INSR: variants seen among roughly 807,000 people sequenced by gnomAD.
The protein encoded by INSR is IR.
Under a neutral mutation model 142.6 loss-of-function variants are expected in INSR, and 67 were observed. The observed-to-expected ratio is 0.47, with a 90% CI of 0.39 to 0.58. INSR has a LOEUF of 0.58. Ranked by LOEUF, INSR falls within the 20% of genes least tolerant of loss-of-function variation. The pLI is 0.00. For synonymous variants in INSR, 756 were observed against 743.1 expected (o/e 1.02, Z -0.28); for missense variants, 1,248 against 1,833.2 (o/e 0.68, Z 5.83).
chr19:7,122,389 G>A (rs1276678735), intron 19 of INSR, among the ~76,000 whole-genome samples: 1 of 151,836 alleles, frequency 6.6e-6, no homozygotes, highest in Admixed American at 6.6e-5. Context: ...GTTGCAGTGA[G>A]CTGAGATCAC....
At chr19:7,202,312 C>G (rs573781713) in intron 2 of INSR, among the ~76,000 whole-genome samples, 13 of 152,188 alleles carry the variant, frequency 8.5e-5, no homozygotes, top group Admixed American at 7.9e-4. Context: ...TATTCATCAT[C>G]TCATTTTTGT....
chr19:7,131,973 A>G (rs1972793370), intron 14 of INSR, among the ~76,000 whole-genome samples, 185 bp downstream of exon 14: 1 of 148,060 alleles, frequency 6.8e-6, no homozygotes, highest in Non-Finnish European at 1.5e-5. Context: ...ACTCCAAAGC[A>G]AGCCTCCATC....
intron 2 of INSR, among the ~76,000 whole-genome samples, chr19:7,215,592 G>A (rs1039110463): frequency 7.8e-6 from 1 of 128,000 alleles, no homozygotes; most frequent in Non-Finnish European, 1.7e-5. Flanking sequence ...TTTTGAGATG[G>A]AGTCTTGCTC....
chr19:7,141,756 T>C lies in INSR; in HGVS notation c.2603A>G (p.His868Arg), dbSNP rs1392174574. The C allele has an allele frequency of 6.2e-7, 1 of 1,614,066 alleles. No individual in the cohort carries two copies. Among genetic ancestry groups the C allele is most frequent in the African/African-American group, 1.3e-5 (1 of 74,922 alleles). The part of the protein sequence containing the change: ...THEIFENNVV[H>R]LMWQEPKEPN... ...CTCCTTCGGCTCCTGCCACATCAAG[T>C]GGACGACGTTGTTCTCAAAGATTTC... is the stretch of plus-strand genomic sequence containing the variant. The change falls in exon 13 of 22, where the codon CAC becomes CGC. Residue 868 changes from histidine (H) to arginine (R), a missense_variant. Coordinates refer to ENST00000302850, the MANE Select transcript of INSR (RefSeq NM_000208.4).
At chr19:7,223,365 C>T (rs1169049704) in intron 2 of INSR, among the ~76,000 whole-genome samples, 1 of 152,138 alleles carries the variant, frequency 6.6e-6, no homozygotes, top group African/African-American at 2.4e-5. Flanking sequence ...TTGGAGGTAA[C>T]CATTGACAGA....
intron 2 of INSR, among the ~76,000 whole-genome samples, chr19:7,210,822 C>G (rs1043106347): frequency 2.0e-5 from 3 of 151,804 alleles, no homozygotes; most frequent in Non-Finnish European, 4.4e-5. Flanking sequence ...CTCTGCCTCG[C>G]GGTTTCAAGC....
chr19:7,219,352 C>T (rs1975528246), intron 2 of INSR, among the ~76,000 whole-genome samples: 1 of 152,128 alleles, frequency 6.6e-6, no homozygotes, highest in East Asian at 1.9e-4. Flanking sequence ...GGGAGCTCTG[C>T]AGCTCTTTGG....
At chr19:7,117,463 C>T (rs1972364108) in intron 21 of INSR, 53 bp from the exon 22 acceptor site, 3 of 1,357,918 alleles carry the variant, frequency 2.2e-6, no homozygotes, top group Middle Eastern at 1.9e-4. Context: ...TGCCACGCAT[C>T]CTCCCAAACC....
intron 14 of INSR, among the ~76,000 whole-genome samples, chr19:7,131,441 G>A (rs1468700111): frequency 1.3e-5 from 2 of 150,904 alleles, no homozygotes; most frequent in Non-Finnish European, 3.0e-5. Context: ...TGCTTCCCGG[G>A]TTCCTGAGGC....
At chr19:7,210,350 A>G (rs1451198932) in intron 2 of INSR, among the ~76,000 whole-genome samples, 1 of 151,484 alleles carries the variant, frequency 6.6e-6, no homozygotes, top group Non-Finnish European at 1.5e-5. Flanking sequence ...CAAAAAAAAA[A>G]AAAAAAAAGT....
At chr19:7,185,023 C>T (rs1974391767) in intron 2 of INSR, among the ~76,000 whole-genome samples, 2 of 152,162 alleles carry the variant, frequency 1.3e-5, no homozygotes. Flanking sequence ...CAGTAGCATT[C>T]CTCTAAGTAG....
chr19:7,272,477 G>A (rs1286037691), intron 1 of INSR, among the ~76,000 whole-genome samples: 3 of 152,002 alleles, frequency 2.0e-5, no homozygotes, highest in African/African-American at 7.2e-5. Flanking sequence ...AATTAGCTGG[G>A]CGGGGTGGCG....
At chr19:7,269,509 G>C (rs1178530206) in intron 1 of INSR, among the ~76,000 whole-genome samples, 3 of 151,792 alleles carry the variant, frequency 2.0e-5, no homozygotes, top group African/African-American at 7.3e-5. Context: ...GGCTGCCTGG[G>C]GTCTGAACCA....
chr19:7,215,051 G>A (rs1239152448), intron 2 of INSR, among the ~76,000 whole-genome samples: 2 of 152,008 alleles, frequency 1.3e-5, no homozygotes, highest in African/African-American at 4.8e-5. Flanking sequence ...CGACCCCTGG[G>A]CTCAATGGAT....
At chr19:7,153,026 CCACACA>C (rs1182389229) in intron 9 of INSR, 99 bp from the exon 10 acceptor site, 8 of 481,816 alleles carry the variant, frequency 1.7e-5, no homozygotes, top group African/African-American at 5.6e-5. Flanking sequence ...CACACACACA[CCACACA>C]CACACACACC....
chr19:7,223,950 ATT>A (rs10533917), intron 2 of INSR, among the ~76,000 whole-genome samples: 9 of 148,144 alleles, frequency 6.1e-5, no homozygotes, highest in African/African-American at 9.9e-5. Context: ...ACAAAAAAAA[ATT>A]TTTTTTTTTT....
chr19:7,131,657 A>G (rs2144830175), intron 14 of INSR, among the ~76,000 whole-genome samples: 1 of 144,952 alleles, frequency 6.9e-6, no homozygotes, highest in East Asian at 2.1e-4. Context: ...CAATTTACTT[A>G]TATAATGAAC....
chr19:7,141,395 G>A (rs1973066411), intron 13 of INSR: 2 of 469,132 alleles, frequency 4.3e-6, no homozygotes, highest in South Asian at 4.2e-5. Flanking sequence ...CTTCTAAAGT[G>A]AAATGAGTCT....
At chr19:7,263,709 G>A (rs1977135142) in intron 2 of INSR, among the ~76,000 whole-genome samples, 4 of 152,140 alleles carry the variant, frequency 2.6e-5, no homozygotes, top group Admixed American at 2.6e-4. Context: ...TAATAGCAAA[G>A]CAATTTTTAA....
Sources: allele counts gnomAD v4.1 joint callset (sites outside exome capture counted in the v4.1 genomes callset), GRCh38; gene constraint gnomAD v4.1.1; transcripts MANE v1.5; gene names NCBI Gene and HGNC (gene_info 2026-07-23, HGNC 2026-07-21).